Variants in IRAG1 observed in about 807,000 individuals in gnomAD.
The protein encoded by IRAG1 is inositol 1,4,5-triphosphate receptor associated 1.
A neutral mutation model predicts 106.2 loss-of-function variants in IRAG1; 62 were observed. The observed-to-expected ratio is 0.58, with a 90% confidence interval of 0.48 to 0.72. The LOEUF (loss-of-function observed/expected upper bound fraction) is 0.72. Ranked by LOEUF, IRAG1 falls within the 30% of genes least tolerant of loss-of-function variation. IRAG1 has a pLI of 0.00. For synonymous variants in IRAG1, 462 were observed against 443.9 expected, an observed-to-expected ratio of 1.04 and a Z score of -0.51; for missense variants, 1,064 against 1,140.7, an observed-to-expected ratio of 0.93 and a Z score of 0.97.
chr11:10,650,471 G>A (rs1858386377), intron 2 of IRAG1, among the ~76,000 whole-genome samples: 1 of 152,200 alleles, frequency 6.6e-6, no homozygotes. Flanking sequence ...CATTTTGCCT[G>A]AGAATCTGAT....
chr11:10,612,955 A>C lies in IRAG1; in HGVS notation c.1448-3104T>G, dbSNP rs117514142. ...AACCAACCAATTTATTGGAAAAATG[A>C]AGGAATAAAGCAGATATAGCTTCAA... is the stretch of plus-strand genomic sequence containing the variant. On this transcript the variant is annotated intron_variant, in intron 10 of 20. Transcript: ENST00000423302. Among the ~76,000 whole-genome samples, 1,447 of 152,304 alleles carry C rather than the reference A, an allele frequency of 9.5e-3. 16 individuals carry two copies. Among genetic ancestry groups the C allele is most frequent in the Non-Finnish European group, 0.015 (1,022 of 68,022 alleles).
At chr11:10,641,737 C>T (rs185323462) in intron 2 of IRAG1, among the ~76,000 whole-genome samples, 109 of 152,238 alleles carry the variant, frequency 7.2e-4, no homozygotes, top group Non-Finnish European at 1.2e-3. Context: ...GAAGAGGAAA[C>T]GAGAAGATGA....
rs1856485436 is a variant in IRAG1 at position 10,628,977 on chromosome 11, C to T, written c.575-149G>A. 1.4e-6 allele frequency: 1 copy of T among 727,372 alleles called. No individual in the cohort carries two copies. The allele number at this position is 727,372 out of a possible 1,614,324, so 45.1% of individuals were successfully genotyped here. A position where few individuals can be genotyped will look rare whatever the true frequency, so the allele number is the denominator to read the frequency against. ...GATGCTGGACTGCAATATGATGCTC[C>T]TGTTACAGCCCAACCCCTCCCTGCT... is the stretch of plus-strand genomic sequence containing the variant. On this transcript the variant is annotated intron_variant, in intron 5 of 20. Coordinates refer to ENST00000423302, the MANE Select transcript of IRAG1 (RefSeq NM_130385.4). This position sits in a 1 kb window ranked among gnomAD's most constrained non-coding sequence, Gnocchi z 4.1.
intron 8 of IRAG1, 36 bp downstream of exon 8, chr11:10,627,680 C>A (rs1211085031): frequency 6.2e-7 from 1 of 1,613,128 alleles, no homozygotes; most frequent in Non-Finnish European, 8.5e-7. Context: ...GCCCCCCACA[C>A]TCAAATCATC....
chr11:10,576,653 C>T (rs1591524961), intron 20 of IRAG1, 78 bp from the exon 21 acceptor site: 31 of 1,555,180 alleles, frequency 2.0e-5, no homozygotes, highest in East Asian at 4.5e-5. Context: ...GTTCTCTCTG[C>T]GGATAGCTTC....
At chr11:10,615,863 C>T (rs1374227675) in intron 10 of IRAG1, among the ~76,000 whole-genome samples, 1 of 150,500 alleles carries the variant, frequency 6.6e-6, no homozygotes, top group African/African-American at 2.4e-5. Context: ...AGCACACCAA[C>T]ATGGCACATG....
chr11:10,653,591 C>A (rs114411120), intron 1 of IRAG1, among the ~76,000 whole-genome samples: 8 of 152,086 alleles, frequency 5.3e-5, no homozygotes, highest in African/African-American at 1.9e-4. Flanking sequence ...CCAGATATCT[C>A]GGTGTGAGTC....
chr11:10,602,024 C>T (rs1854069546), intron 14 of IRAG1, among the ~76,000 whole-genome samples: 1 of 152,356 alleles, frequency 6.6e-6, no homozygotes, highest in Admixed American at 6.5e-5. Flanking sequence ...TCAGGCCCTG[C>T]CTGGCCACAG....
rs184884027 is a variant in IRAG1 at position 10,615,025 on chromosome 11, C to A, written c.1448-5174G>T. ...CCTACAGAACAGGAGAAAATTTTTG[C>A]AATCTACTCATCTGACAAAGGGCTA... On this transcript the variant is annotated intron_variant, in intron 10 of 20. Coordinates refer to ENST00000423302, the MANE Select transcript of IRAG1 (RefSeq NM_130385.4). Among the ~76,000 whole-genome samples, 927 of 152,250 alleles carry A rather than the reference C, an allele frequency of 6.1e-3. 9 individuals carry two copies. Among genetic ancestry groups the A allele is most frequent in the Non-Finnish European group, 0.01 (699 of 68,028 alleles).
chr11:10,603,056 G>A, intron 14 of IRAG1, 64 bp downstream of exon 14: 8 of 1,546,202 alleles, frequency 5.2e-6, no homozygotes, highest in Non-Finnish European at 7.0e-6. Context: ...CCGCTGCTTG[G>A]GTGATTGCTC....
chr11:10,581,751 G>A (rs1851417344), intron 19 of IRAG1, 116 bp downstream of exon 19: 4 of 1,273,044 alleles, frequency 3.1e-6, no homozygotes, highest in Non-Finnish European at 4.3e-6. Flanking sequence ...CTGTGGCAAG[G>A]AGGTCCTGCG....
At position 10,657,026 on chromosome 11, in the gene IRAG1, C is replaced by T. The variant is rs1858978599; in HGVS notation, c.68-4844G>A. On this transcript the variant is annotated intron_variant, in intron 1 of 20. Transcript: ENST00000423302. The surrounding 1 kb of genome is among the most constrained non-coding windows in gnomAD (Gnocchi z 4.1). ...GCCTACAGTTGAGCCTGCATGTCCT[C>T]TGGTAGGTGGTAGCAGCAGGTGGAG... 6.6e-6 allele frequency among the ~76,000 whole-genome samples: 1 copy of T among 152,120 alleles called. No homozygotes were observed. The highest frequency in any genetic ancestry group is 1.5e-5 in the Non-Finnish European group (1 of 68,014).
At chr11:10,680,532 G>A (rs73415729) in intron 1 of IRAG1, among the ~76,000 whole-genome samples, 4,796 of 89,154 alleles carry the variant, frequency 0.054, 97 homozygotes, top group Middle Eastern at 0.088. Context: ...AGAAAGGAAG[G>A]AAGGAAGGGG....
In IRAG1 at chr11:10,657,056, C is replaced by T. The variant is rs1012462835; in HGVS notation, c.68-4874G>A. Among the ~76,000 whole-genome samples the T allele has an allele frequency of 6.6e-6, 1 of 152,078 alleles. No homozygotes were observed. Among genetic ancestry groups the T allele is most frequent in the South Asian group, 2.1e-4 (1 of 4,824 alleles). ...AGGTGGTAGCAGCAGGTGGAGGACG[C>T]GGAGGCCGGCCCTGCCTTGTAGGCT... is the stretch of plus-strand genomic sequence containing the variant. On this transcript the variant is annotated intron_variant, in intron 1 of 20. Coordinates refer to ENST00000423302, the MANE Select transcript of IRAG1 (RefSeq NM_130385.4). The surrounding 1 kb of genome is among the most constrained non-coding windows in gnomAD (Gnocchi z 4.1).
At position 10,629,677 on chromosome 11, in the gene IRAG1, G is replaced by A. The variant is rs745710445; in HGVS notation, c.435C>T (p.Asp145=). 1.9e-5 allele frequency: 30 copies of A among 1,613,746 alleles called. No individual in the cohort carries two copies. The highest frequency in any genetic ancestry group is 2.4e-5 in the Non-Finnish European group (28 of 1,179,864). The change falls in exon 5 of 21, where the codon GAC becomes GAT. Residue 145 remains aspartate, a synonymous_variant. Transcript: ENST00000423302. The part of the protein sequence containing the change: ...PAGHIIDLVN[D]QLPDISISEE... ...CTGAGATGCTGATGTCTGGCAGCTG[G>A]TCATTCACCAGGTCAATGATGTGCC...
chr11:10,653,537 G>A (rs1283479424), intron 1 of IRAG1, among the ~76,000 whole-genome samples: 1 of 152,042 alleles, frequency 6.6e-6, no homozygotes, highest in Admixed American at 6.5e-5. Flanking sequence ...GGTTTCCATA[G>A]GGAAAGGCAG....
chr11:10,687,267 A>C (rs1453611317), intron 1 of IRAG1, among the ~76,000 whole-genome samples: 1 of 152,132 alleles, frequency 6.6e-6, no homozygotes, highest in Admixed American at 6.5e-5. Context: ...GTGGTACCCC[A>C]GAGTGCCACG....
chr11:10,679,564 C>A (rs1860979237), intron 1 of IRAG1, among the ~76,000 whole-genome samples: 1 of 152,202 alleles, frequency 6.6e-6, no homozygotes, highest in African/African-American at 2.4e-5. Flanking sequence ...CCATGGCTTC[C>A]CCATTCCAGC....
At chr11:10,685,082 A>G (rs551731546) in intron 1 of IRAG1, among the ~76,000 whole-genome samples, 2 of 152,240 alleles carry the variant, frequency 1.3e-5, no homozygotes, top group African/African-American at 4.8e-5. Context: ...CTAAATCTCT[A>G]TCTATCAAGC....
Sources: allele counts gnomAD v4.1 joint callset (sites outside exome capture counted in the v4.1 genomes callset), GRCh38; gene constraint gnomAD v4.1.1; non-coding constraint Gnocchi (gnomAD v3.1); transcripts MANE v1.5; gene names NCBI Gene and HGNC (gene_info 2026-07-23, HGNC 2026-07-21).